The following ZBTB45 variants were observed in gnomAD, a reference collection of about 807,000 sequenced individuals.
ZBTB45 encodes zinc finger and BTB domain-containing protein 45.
ZBTB45 carries 22 observed loss-of-function variants against 28.4 expected under a neutral mutation model. The ratio of observed to expected loss-of-function variants is 0.77; its 90% CI spans 0.55 to 1.10. ZBTB45 has a LOEUF of 1.10. ZBTB45 is among the 50% of genes least tolerant of loss of function. ZBTB45 has a pLI of 0.00. For synonymous variants in ZBTB45, 361 were observed against 332.3 expected, an observed-to-expected ratio of 1.09 and a Z score of -0.94; for missense variants, 656 against 750.2, an observed-to-expected ratio of 0.87 and a Z score of 1.47.
chr19:58,536,023 T>A (rs1267452776), intron 1 of ZBTB45, among the ~76,000 whole-genome samples: 1 of 151,190 alleles, frequency 6.6e-6, no homozygotes, highest in Non-Finnish European at 1.5e-5. Context: ...GCTGGAAGAG[T>A]GATAAGGTCA....
At chr19:58,530,196 C>A (rs2053628502) in intron 1 of ZBTB45, among the ~76,000 whole-genome samples, 1 of 130,080 alleles carries the variant, frequency 7.7e-6, no homozygotes, top group African/African-American at 3.1e-5. Flanking sequence ...GAGACCTTGC[C>A]ATGAGAGCGC....
In ZBTB45 at chr19:58,517,687, G is replaced by A; in HGVS notation, c.1-14C>T. Reference sequence around the variant, plus strand: ...TGCAGCCGCCATCTGCACAGAACAAGAGGAGGGCAGGGAGAGGTCAACTGA... The same window carrying A: ...TGCAGCCGCCATCTGCACAGAACAAAAGGAGGGCAGGGAGAGGTCAACTGA... On this transcript the variant is annotated splice_polypyrimidine_tract_variant and intron_variant, in intron 1 of 2. Transcript: ENST00000594051. 6.2e-7 allele frequency: 1 copy of A among 1,606,618 alleles called. No individual in the cohort carries two copies. Among genetic ancestry groups the A allele is most frequent in the Non-Finnish European group, 8.5e-7 (1 of 1,174,802 alleles).
chr19:58,537,476 T>A (rs1568653794), intron 1 of ZBTB45, among the ~76,000 whole-genome samples: 1 of 152,090 alleles, frequency 6.6e-6, no homozygotes, highest in Non-Finnish European at 1.5e-5. Context: ...GGGGAGGGCC[T>A]GTTATGAGGG....
At chr19:58,535,486 T>G (rs2053655593) in intron 1 of ZBTB45, among the ~76,000 whole-genome samples, 1 of 151,788 alleles carries the variant, frequency 6.6e-6, no homozygotes, top group African/African-American at 2.4e-5. Flanking sequence ...AATACAAAAA[T>G]TATCTGGGCA....
chr19:58,524,436 T>TGC (rs2053596463), upstream of ZBTB45, among the ~76,000 whole-genome samples: 1 of 21,274 alleles, frequency 4.7e-5, no homozygotes, highest in African/African-American at 3.0e-4. Context: ...TGTTCATATA[T>TGC]GTGTGTGTGT....
At chr19:58,538,751 T>G (rs1280374398) in exon 1 of ZBTB45, 1 of 152,198 alleles carries the variant, frequency 6.6e-6, no homozygotes, top group African/African-American at 2.4e-5. Context: ...TTCGCGCCAG[T>G]CCTCGCGGCC....
chr19:58,514,269 A>C lies in ZBTB45; in HGVS notation c.1321T>G (p.Ser441Ala), dbSNP rs1156820663. The C allele has an allele frequency of 6.2e-7, 1 of 1,609,864 alleles. No individual in the cohort carries two copies. The highest frequency in any genetic ancestry group is 8.5e-7 in the Non-Finnish European group (1 of 1,177,858). Reference protein sequence around the residue: ...HQCAVCWRSFSLRDYLLKHMV... With the variant: ...HQCAVCWRSFALRDYLLKHMV... ...TGTTTGAGCAGGTAGTCGCGTAGAG[A>C]GAAGGATCGCCAGCACACGGCGCAC... Residue 441 changes from serine (S) to alanine (A), a missense_variant, in exon 3 of 3, where the codon TCT (serine) becomes GCT (alanine). This residue lies in a region of ZBTB45 where 103 missense variants were observed against 153.5 expected (regional missense o/e 0.67). Coordinates refer to ENST00000594051, the MANE Select transcript of ZBTB45 (RefSeq NM_001316979.2).
rs2053473788 is a variant in ZBTB45, at chr19:58,515,075, A to G, written c.1280-765T>C. 6.6e-6 allele frequency among the ~76,000 whole-genome samples: 1 copy of G among 152,204 alleles called. No homozygotes were observed. The highest frequency in any genetic ancestry group is 2.4e-5 in the African/African-American group (1 of 41,456). On this transcript the variant is annotated intron_variant, in intron 2 of 2. Coordinates refer to ENST00000594051, the MANE Select transcript of ZBTB45 (RefSeq NM_001316979.2). The surrounding 1 kb of genome is among the most constrained non-coding windows in gnomAD (Gnocchi z 4.7). The stretch of plus-strand genomic sequence containing the variant: ...CGTGGTGGCTCACACCTGTAATCCC[A>G]GCACTTTGGGAGGCCAAGGCAGGCA...
At chr19:58,514,943 C>T (rs1321602180) in intron 2 of ZBTB45, among the ~76,000 whole-genome samples, 1 of 152,170 alleles carries the variant, frequency 6.6e-6, no homozygotes, top group East Asian at 1.9e-4. Flanking sequence ...ACTATAATGT[C>T]CTTGGTGTGA....
chr19:58,529,246 C>G (rs2053623958), intron 1 of ZBTB45, among the ~76,000 whole-genome samples: 1 of 152,092 alleles, frequency 6.6e-6, no homozygotes, highest in South Asian at 2.1e-4. Context: ...ATGAGAGCAG[C>G]CTGAGCAACA....
rs1299016751 is a variant in ZBTB45, at chr19:58,514,018, C to T, written c.*36G>A. ...GCGTGGCCGACTGTGCGGGAGGCCC[C>T]GGATCCACCGTGGGCGAGGCCAGGC... On this transcript the variant is annotated 3_prime_UTR_variant, in exon 3 of 3. Transcript: ENST00000594051. 1 of 1,376,210 alleles carries T rather than the reference C, an allele frequency of 7.3e-7. No homozygotes were observed. Among genetic ancestry groups the T allele is most frequent in the Non-Finnish European group, 9.3e-7 (1 of 1,071,314 alleles). The allele number at this position is 1,376,210 out of a possible 1,614,324, so 85.2% of individuals were successfully genotyped here.
intron 1 of ZBTB45, among the ~76,000 whole-genome samples, chr19:58,537,900 G>T (rs1600073457): frequency 6.6e-6 from 1 of 151,268 alleles, no homozygotes. Context: ...TGCAATGGCC[G>T]GATCTCAGCT....
rs1465799486 is a variant in ZBTB45 at position 58,514,329 on chromosome 19, G to T, written c.1280-19C>A. ...TTCTCCCCTGCGGAAGACAGGGCGG[G>T]CCGCGAACGCAAGTCAGACTCTACA... On this transcript the variant is annotated intron_variant, in intron 2 of 2. Coordinates refer to ENST00000594051, the MANE Select transcript of ZBTB45 (RefSeq NM_001316979.2). 6.3e-7 allele frequency: 1 copy of T among 1,583,724 alleles called. No individual in the cohort carries two copies. The highest frequency in any genetic ancestry group is 8.6e-7 in the Non-Finnish European group (1 of 1,160,596).
At position 58,518,475 on chromosome 19, in the gene ZBTB45, T is replaced by C. The variant is rs1044960171; in HGVS notation, c.1-802A>G. Among the ~76,000 whole-genome samples the C allele has an allele frequency of 1.2e-4, 19 of 152,148 alleles. No individual in the cohort carries two copies. The East Asian group carries it at 3.7e-3, about 29-fold the overall frequency. Reference sequence around the variant, plus strand: ...GGTGGCTCCTGCAGCCCCAGCTTCTTGCCATCTCGATGGGGCCTGTGGGGC... The same window carrying C: ...GGTGGCTCCTGCAGCCCCAGCTTCTCGCCATCTCGATGGGGCCTGTGGGGC... On this transcript the variant is annotated intron_variant, in intron 1 of 2. Coordinates refer to ENST00000594051, the MANE Select transcript of ZBTB45 (RefSeq NM_001316979.2).
rs1044621824 is a variant in ZBTB45, at chr19:58,516,186, C to A, written c.1279+209G>T. 1.3e-5 allele frequency among the ~76,000 whole-genome samples: 2 copies of A among 152,142 alleles called. No individual in the cohort carries two copies. Among genetic ancestry groups the A allele is most frequent in the Non-Finnish European group, 2.9e-5 (2 of 68,014 alleles). ...TTCCCTACCCAGCCTCAGGATCCCCCTCCACAGAAGCCAGTGCCTGCTGCT... is the reference window on the plus strand; with the variant it reads ...TTCCCTACCCAGCCTCAGGATCCCCATCCACAGAAGCCAGTGCCTGCTGCT... On this transcript the variant is annotated intron_variant, in intron 2 of 2. Coordinates refer to ENST00000594051, the MANE Select transcript of ZBTB45 (RefSeq NM_001316979.2). The surrounding 1 kb of genome is among the most constrained non-coding windows in gnomAD (Gnocchi z 6.2).
chr19:58,527,501 T>A (rs1568650356), intron 1 of ZBTB45, among the ~76,000 whole-genome samples: 1 of 152,144 alleles, frequency 6.6e-6, no homozygotes, highest in Non-Finnish European at 1.5e-5. Context: ...TCACACAACA[T>A]GAAGTCTTGG....
chr19:58,514,424 C>G (rs2053463098), intron 2 of ZBTB45, 114 bp from the exon 3 acceptor site: 1 of 1,318,114 alleles, frequency 7.6e-7, no homozygotes, highest in African/African-American at 1.5e-5. Context: ...CCTCCCCTCC[C>G]GAACCACCAC....
chr19:58,528,051 C>T (rs1568650549), intron 1 of ZBTB45, among the ~76,000 whole-genome samples: 2 of 152,100 alleles, frequency 1.3e-5, no homozygotes, highest in African/African-American at 2.4e-5. Context: ...CTGAAAGCTT[C>T]GGGGGATAAA....
intron 1 of ZBTB45, among the ~76,000 whole-genome samples, chr19:58,534,938 C>T (rs541300324): frequency 1.3e-5 from 2 of 151,774 alleles, no homozygotes; most frequent in South Asian, 4.2e-4. Flanking sequence ...TCACTACAAC[C>T]TCCGCCTCCT....
Sources: gnomAD v4.1 joint callset for allele counts (sites outside exome capture counted in the v4.1 genomes callset) on GRCh38, gnomAD v4.1.1 for gene constraint, gnomAD v4.1.1 regional missense constraint, Gnocchi (gnomAD v3.1) non-coding constraint, MANE v1.5 for transcripts, NCBI Gene and HGNC (gene_info 2026-07-23, HGNC 2026-07-21) for gene names.